Variants in ZFAT observed in about 807,000 individuals in gnomAD.
ZFAT encodes the protein zinc finger protein ZFAT.
A neutral mutation model predicts 117.7 loss-of-function variants in ZFAT; 64 were observed. The observed-to-expected ratio is 0.54, with a 90% confidence interval of 0.44 to 0.67. ZFAT has a LOEUF of 0.67. Ranked by LOEUF, ZFAT falls within the 30% of genes least tolerant of loss-of-function variation. The probability of loss-of-function intolerance (pLI) is 0.00; values close to 1 mark genes in which losing one functional copy is unlikely to be tolerated. For synonymous variants in ZFAT, 679 were observed against 615.0 expected (o/e 1.10, Z -1.54); for missense variants, 1,433 against 1,584.5 (o/e 0.90, Z 1.62).
the ZFAT span, among the ~76,000 whole-genome samples, chr8:134,827,928 C>T: frequency 1.8e-4 from 28 of 152,216 alleles, no homozygotes; most frequent in African/African-American, 6.3e-4. Context: ...AAATTGAGAA[C>T]ATAAATCAGT....
the ZFAT span, among the ~76,000 whole-genome samples, chr8:134,738,997 C>A: frequency 1.3e-5 from 2 of 152,134 alleles, no homozygotes; most frequent in East Asian, 1.9e-4. Context: ...ATCAGCAACA[C>A]CTTCAGGAGA....
At chr8:134,800,784 T>C in the ZFAT span, among the ~76,000 whole-genome samples, 6 of 152,058 alleles carry the variant, frequency 3.9e-5, no homozygotes, top group Non-Finnish European at 7.4e-5. Context: ...GTTTGTTTTT[T>C]TGGAAGTGGG....
chr8:134,827,055 G>A, the ZFAT span, among the ~76,000 whole-genome samples: 1 of 151,330 alleles, frequency 6.6e-6, no homozygotes, highest in African/African-American at 2.4e-5. Flanking sequence ...CTTTTTTAGG[G>A]GTGTCCGGAG....
the ZFAT span, among the ~76,000 whole-genome samples, chr8:134,800,960 G>A: frequency 2.0e-5 from 3 of 152,090 alleles, no homozygotes; most frequent in East Asian, 3.9e-4. Context: ...AATAAATGCC[G>A]ACATCCTGTA....
At chr8:134,526,596 T>G (rs1821039452) in intron 12 of ZFAT, among the ~76,000 whole-genome samples, 1 of 152,230 alleles carries the variant, frequency 6.6e-6, no homozygotes, top group Non-Finnish European at 1.5e-5. Flanking sequence ...CTTTTTGGAA[T>G]GCAATATATT....
intron 13 of ZFAT, among the ~76,000 whole-genome samples, chr8:134,519,313 T>C (rs1286125732): frequency 6.6e-6 from 1 of 152,236 alleles, no homozygotes; most frequent in Non-Finnish European, 1.5e-5. Flanking sequence ...AGAAGTGTTT[T>C]ATAGTCTCCC....
intron 11 of ZFAT, chr8:134,564,869 T>G: frequency 1.1e-6 from 1 of 928,554 alleles, no homozygotes; most frequent in Non-Finnish European, 1.4e-6. Context: ...AATGCCACCA[T>G]CTCCTGAGCC....
chr8:134,770,934 C>T, the ZFAT span, among the ~76,000 whole-genome samples: 4 of 141,102 alleles, frequency 2.8e-5, no homozygotes, highest in Admixed American at 2.2e-4. Flanking sequence ...TTGGTCAGAC[C>T]GATTGATCTC....
At chr8:134,490,271 T>C (rs1817954980) in intron 15 of ZFAT, among the ~76,000 whole-genome samples, 1 of 152,034 alleles carries the variant, frequency 6.6e-6, no homozygotes, top group Non-Finnish European at 1.5e-5. Context: ...GAGTGAATGG[T>C]GAGCGTGGTC....
At chr8:134,751,010 C>T in the ZFAT span, among the ~76,000 whole-genome samples, 84 of 152,260 alleles carry the variant, frequency 5.5e-4, no homozygotes, top group African/African-American at 2.0e-3. Flanking sequence ...TCTTCTTTAG[C>T]AGGTAAATGT....
chr8:134,606,517 A>G lies in ZFAT; in HGVS notation c.785+2212T>C, dbSNP rs1423136973. Reference sequence around the variant, plus strand: ...ATAACTTGAGGTCAAGAGTTCAAGAACAGCCTGGCCAACATAGTGAAACCC... The same window carrying G: ...ATAACTTGAGGTCAAGAGTTCAAGAGCAGCCTGGCCAACATAGTGAAACCC... On this transcript the variant is annotated intron_variant, in intron 5 of 15. Coordinates refer to ENST00000377838, the MANE Select transcript of ZFAT (RefSeq NM_020863.4). Among the ~76,000 whole-genome samples the G allele has an allele frequency of 2.0e-5, 3 of 152,274 alleles. No homozygotes were observed. The East Asian group carries it at 5.8e-4, about 29-fold the overall frequency.
At chr8:134,554,948 A>C (rs2130719141) in intron 11 of ZFAT, among the ~76,000 whole-genome samples, 1 of 152,352 alleles carries the variant, frequency 6.6e-6, no homozygotes, top group Non-Finnish European at 1.5e-5. Context: ...ACTACAAATG[A>C]GATTTATTCA....
At chr8:134,609,821 G>A (rs1202567592) in intron 4 of ZFAT, among the ~76,000 whole-genome samples, 2 of 152,022 alleles carry the variant, frequency 1.3e-5, no homozygotes, top group African/African-American at 2.4e-5. Context: ...TACAGAGATG[G>A]AAATTTCTAG....
intron 11 of ZFAT, among the ~76,000 whole-genome samples, chr8:134,563,435 G>A (rs1239481886): frequency 2.6e-5 from 4 of 152,142 alleles, no homozygotes; most frequent in Admixed American, 1.3e-4. Flanking sequence ...AGATCCCTCC[G>A]AGCCTCCCTC....
the ZFAT span, among the ~76,000 whole-genome samples, chr8:134,744,471 T>C: frequency 6.6e-6 from 1 of 151,012 alleles, no homozygotes; most frequent in Non-Finnish European, 1.5e-5. Flanking sequence ...AATTTTTGTA[T>C]TTTTAGTAGA....
chr8:134,712,723 C>G, intron 1 of ZFAT, 122 bp downstream of exon 1: 1 of 728,916 alleles, frequency 1.4e-6, no homozygotes, highest in Non-Finnish European at 1.9e-6. Flanking sequence ...CCCTCCGCGG[C>G]CGGCGGCCGG....
chr8:134,481,731 T>C (rs1444598777), intron 15 of ZFAT, among the ~76,000 whole-genome samples: 14 of 152,174 alleles, frequency 9.2e-5, no homozygotes, highest in Admixed American at 9.2e-4. Flanking sequence ...GGCCTGGAAA[T>C]GGCTGCTGCC....
chr8:134,770,522 G>A, the ZFAT span, among the ~76,000 whole-genome samples: 12 of 152,174 alleles, frequency 7.9e-5, no homozygotes, highest in South Asian at 2.5e-3. Context: ...CAAGGAGGAT[G>A]TACGTTGCCT....
At chr8:134,624,882 G>C (rs915670596) in intron 3 of ZFAT, among the ~76,000 whole-genome samples, 49 of 150,794 alleles carry the variant, frequency 3.2e-4, no homozygotes, top group African/African-American at 1.1e-3. Flanking sequence ...AATTAACACT[G>C]CACTAATATT....
Sources: gnomAD v4.1 joint callset for allele counts (sites outside exome capture counted in the v4.1 genomes callset) on GRCh38, gnomAD v4.1.1 for gene constraint, MANE v1.5 for transcripts, NCBI Gene and HGNC (gene_info 2026-07-23, HGNC 2026-07-21) for gene names.